TNFSF4: variants seen among roughly 807,000 people sequenced by gnomAD.
TNFSF4 encodes the protein TNF superfamily member 4, also known as tumor necrosis factor ligand superfamily member 4.
In TNFSF4, 4 loss-of-function variants were observed where a neutral mutation model predicts 7.3. That is an observed-to-expected ratio of 0.55 (90% confidence interval 0.27 to 1.25). TNFSF4 has a LOEUF of 1.25. Ranked by LOEUF, TNFSF4 falls within the 50% of genes most tolerant of loss-of-function variation. The pLI is 0.12. For missense variants in TNFSF4, 181 were observed against 208.8 expected, an observed-to-expected ratio of 0.87 and a Z score of 0.82; for synonymous variants, 76 against 83.7, an observed-to-expected ratio of 0.91 and a Z score of 0.50.
At chr1:173,375,639 G>C in the TNFSF4 span, among the ~76,000 whole-genome samples, 1 of 152,148 alleles carries the variant, frequency 6.6e-6, no homozygotes, top group Admixed American at 6.5e-5. Flanking sequence ...GCACCAATCA[G>C]CACTCTGTAA....
chr1:173,322,050 A>T, the TNFSF4 span, among the ~76,000 whole-genome samples: 1 of 152,196 alleles, frequency 6.6e-6, no homozygotes, highest in African/African-American at 2.4e-5. Context: ...AATAGCAAAG[A>T]CTTGGAACCA....
the TNFSF4 span, among the ~76,000 whole-genome samples, chr1:173,335,629 A>G: frequency 1.5e-4 from 23 of 152,202 alleles, no homozygotes; most frequent in African/African-American, 5.5e-4. Context: ...GATCTATATA[A>G]GTAGAAATGT....
At chr1:173,183,539 T>G (rs1375487214), downstream of TNFSF4, among the ~76,000 whole-genome samples, 1 of 152,160 alleles carries the variant, frequency 6.6e-6, no homozygotes, top group African/African-American at 2.4e-5. Context: ...TCTAAGGACC[T>G]CCAGTGAGCA....
chr1:173,203,718 A>G (rs190862047), intron 1 of TNFSF4, among the ~76,000 whole-genome samples: 45 of 152,344 alleles, frequency 3.0e-4, no homozygotes, highest in Admixed American at 6.5e-4. Flanking sequence ...AAAAAAAGTG[A>G]TAAGTAGGAA....
chr1:173,443,580 TGATATA>T, the TNFSF4 span, among the ~76,000 whole-genome samples: 1 of 152,208 alleles, frequency 6.6e-6, no homozygotes, highest in Non-Finnish European at 1.5e-5. Flanking sequence ...AGATAGCGAT[TGATATA>T]GATATAAATA....
chr1:173,210,908 A>G (rs1237835006), upstream of TNFSF4, among the ~76,000 whole-genome samples: 2 of 152,116 alleles, frequency 1.3e-5, no homozygotes, highest in Non-Finnish European at 1.5e-5. Context: ...GGATATGTTT[A>G]TCATCCCACA....
At chr1:173,407,941 C>T in the TNFSF4 span, among the ~76,000 whole-genome samples, 1 of 152,118 alleles carries the variant, frequency 6.6e-6, no homozygotes, top group Non-Finnish European at 1.5e-5. Context: ...AGGTATGGGA[C>T]TCATGCCCTT....
chr1:173,272,690 C>T, the TNFSF4 span, among the ~76,000 whole-genome samples: 3 of 152,134 alleles, frequency 2.0e-5, no homozygotes, highest in African/African-American at 7.2e-5. Context: ...TCCAGAAAGT[C>T]AACAAGCAAA....
At chr1:173,279,658 G>T in the TNFSF4 span, among the ~76,000 whole-genome samples, 1 of 152,034 alleles carries the variant, frequency 6.6e-6, no homozygotes, top group Non-Finnish European at 1.5e-5. Flanking sequence ...CAGAAACTTG[G>T]CAATCATCGT....
At chr1:173,406,896 G>A in the TNFSF4 span, among the ~76,000 whole-genome samples, 1 of 152,196 alleles carries the variant, frequency 6.6e-6, no homozygotes, top group Non-Finnish European at 1.5e-5. Flanking sequence ...GCCGTGGGGT[G>A]AAAGTGAAAG....
At chr1:173,270,645 A>G in the TNFSF4 span, among the ~76,000 whole-genome samples, 3 of 152,140 alleles carry the variant, frequency 2.0e-5, no homozygotes, top group African/African-American at 7.2e-5. Flanking sequence ...TTTCCCAATT[A>G]TGTTGGGCTG....
intron 1 of TNFSF4, among the ~76,000 whole-genome samples, chr1:173,199,252 T>C (rs1290071675): frequency 6.6e-6 from 1 of 152,226 alleles, no homozygotes; most frequent in Non-Finnish European, 1.5e-5. Context: ...CATTGCTGAA[T>C]AAGTTGATGA....
the TNFSF4 span, among the ~76,000 whole-genome samples, chr1:173,228,282 T>C: frequency 6.6e-6 from 1 of 152,216 alleles, no homozygotes; most frequent in Non-Finnish European, 1.5e-5. Flanking sequence ...ATATTCGCTG[T>C]TCTGCAGCCT....
At chr1:173,267,214 C>A in the TNFSF4 span, among the ~76,000 whole-genome samples, 1 of 152,048 alleles carries the variant, frequency 6.6e-6, no homozygotes, top group Non-Finnish European at 1.5e-5. Flanking sequence ...AGAGTAACAC[C>A]CATTCTTTCT....
the TNFSF4 span, among the ~76,000 whole-genome samples, chr1:173,379,126 G>A: frequency 2.0e-5 from 3 of 152,106 alleles, no homozygotes; most frequent in African/African-American, 7.2e-5. Context: ...TGAAAAGAAT[G>A]CGGCTTTAGC....
chr1:173,307,207 A>T, the TNFSF4 span, among the ~76,000 whole-genome samples: 1 of 151,972 alleles, frequency 6.6e-6, no homozygotes, highest in African/African-American at 2.4e-5. Flanking sequence ...AAATAACAGT[A>T]AGGTAAGATA....
the TNFSF4 span, among the ~76,000 whole-genome samples, chr1:173,271,072 A>C: frequency 3.3e-5 from 5 of 152,070 alleles, no homozygotes; most frequent in African/African-American, 9.7e-5. Flanking sequence ...GATTCTAAAA[A>C]TTTTCTACCA....
At chr1:173,181,377 T>C (rs1014099501), downstream of TNFSF4, among the ~76,000 whole-genome samples, 1 of 152,132 alleles carries the variant, frequency 6.6e-6, no homozygotes, top group African/African-American at 2.4e-5. Context: ...TCCACAGCAA[T>C]AAAGAGCTGT....
At chr1:173,309,026 G>C in the TNFSF4 span, among the ~76,000 whole-genome samples, 2 of 151,946 alleles carry the variant, frequency 1.3e-5, no homozygotes, top group African/African-American at 4.8e-5. Flanking sequence ...TCACTCAATG[G>C]AGAGATATCA....
Sources: gnomAD v4.1 joint callset for allele counts (sites outside exome capture counted in the v4.1 genomes callset) on GRCh38, gnomAD v4.1.1 for gene constraint, MANE v1.5 for transcripts, NCBI Gene and HGNC (gene_info 2026-07-23, HGNC 2026-07-21) for gene names.